The following ARRDC4 variants were observed in gnomAD, a reference collection of about 807,000 sequenced individuals.
The protein encoded by ARRDC4 is arrestin domain-containing protein 4.
Under a neutral mutation model 44.6 loss-of-function variants are expected in ARRDC4, and 40 were observed. The observed-to-expected ratio is 0.90, with a 90% confidence interval of 0.70 to 1.17. The LOEUF is 1.17. Among genes scored for constraint, ARRDC4 ranks in the 50% most tolerant of loss-of-function variants. ARRDC4 has a pLI of 0.00. For synonymous variants in ARRDC4, 211 were observed against 221.2 expected, an observed-to-expected ratio of 0.95 and a Z score of 0.41; for missense variants, 550 against 559.1, an observed-to-expected ratio of 0.98 and a Z score of 0.16.
rs146146673 is a variant in ARRDC4, at chr15:97,965,937, G to C, written c.417G>C (p.Gln139His). 7,413 of 1,614,164 alleles carry C rather than the reference G, an allele frequency of 4.6e-3. 28 individuals are homozygous for C. The highest frequency in any genetic ancestry group is 5.8e-3 in the Non-Finnish European group (6,810 of 1,180,016). ...TSFTGKYGSI[Q>H]YCVRAVLERP... ...TTACTGGGAAATATGGAAGCATTCA[G>C]TACTGTGTGCGGGCAGTGTTGGAAC... is the stretch of plus-strand genomic sequence containing the variant. The change falls in exon 3 of 8, where the codon CAG becomes CAC. Residue 139 changes from glutamine to histidine, a missense_variant. Gln to His is a conservative substitution (Grantham distance 24). Coordinates refer to ENST00000268042, the MANE Select transcript of ARRDC4 (RefSeq NM_183376.3). The surrounding 1 kb of genome is among the most constrained non-coding windows in gnomAD (Gnocchi z 5.1).
chr15:97,960,863 TG>T lies in ARRDC4; in HGVS notation c.5del (p.Gly2?). The T allele has an allele frequency of 1.5e-6, 2 of 1,357,392 alleles. No homozygotes were observed. 84.1% of individuals were successfully genotyped at this position (1,357,392 alleles called of 1,614,324 possible). On this transcript the variant is annotated frameshift_variant and start_lost, in exon 1 of 8. Coordinates refer to ENST00000268042, the MANE Select transcript of ARRDC4 (RefSeq NM_183376.3). LOFTEE classifies it high-confidence loss of function. MGGEAGCAAAV... is the reference protein window; with the variant it reads XGGEAGCAAAV... ...GGCAGGAAAGAGTCGCCCGGCGGGA[TG>T]GGCGGGGAGGCTGGGTGCGCGGCGG...
In ARRDC4 at chr15:97,966,111, T is replaced by G; in HGVS notation, c.522+69T>G. On this transcript the variant is annotated intron_variant, in intron 3 of 7. Coordinates refer to ENST00000268042, the MANE Select transcript of ARRDC4 (RefSeq NM_183376.3). The surrounding 1 kb of genome is among the most constrained non-coding windows in gnomAD (Gnocchi z 4.7). Reference sequence around the variant, plus strand: ...CTCCCTTCCTCCTTCCTTTCAACAGTGGGATCTATATTTAGCCAGTTTACT... The same window carrying G: ...CTCCCTTCCTCCTTCCTTTCAACAGGGGGATCTATATTTAGCCAGTTTACT... 6.5e-7 allele frequency: 1 copy of G among 1,540,966 alleles called. No homozygotes were observed. Among genetic ancestry groups the G allele is most frequent in the Non-Finnish European group, 8.8e-7 (1 of 1,131,346 alleles).
At position 97,970,114 on chromosome 15, in the gene ARRDC4, A is replaced by G. The variant is rs1013848094; in HGVS notation, c.1045+69A>G. The G allele has an allele frequency of 2.0e-6, 3 of 1,469,602 alleles. No homozygotes were observed. Among genetic ancestry groups the G allele is most frequent in the East Asian group, 2.4e-5 (1 of 42,032 alleles). The allele number at this position is 1,469,602 out of a possible 1,614,324, so 91.0% of individuals were successfully genotyped here. Reference sequence around the variant, plus strand: ...AAATACCTAGGAACAGAATATATACACTATTAAGTGCTCAGATGTTGATGA... The same window carrying G: ...AAATACCTAGGAACAGAATATATACGCTATTAAGTGCTCAGATGTTGATGA... On this transcript the variant is annotated intron_variant, in intron 6 of 7. Coordinates refer to ENST00000268042, the MANE Select transcript of ARRDC4 (RefSeq NM_183376.3). The surrounding 1 kb of genome is among the most constrained non-coding windows in gnomAD (Gnocchi z 4.2).
chr15:97,971,486 C>A lies in ARRDC4; in HGVS notation c.*299C>A. On this transcript the variant is annotated 3_prime_UTR_variant, in exon 8 of 8. Coordinates refer to ENST00000268042, the MANE Select transcript of ARRDC4 (RefSeq NM_183376.3). Reference sequence around the variant, plus strand: ...GTAAGTGAAAGGGTGCCTGCGCTGACGTGAGAGAAAGGAATCTGTAAACAG... The same window carrying A: ...GTAAGTGAAAGGGTGCCTGCGCTGAAGTGAGAGAAAGGAATCTGTAAACAG... 1 of 357,316 alleles carries A rather than the reference C, an allele frequency of 2.8e-6. No homozygotes were observed. The highest frequency in any genetic ancestry group is 5.3e-6 in the Non-Finnish European group (1 of 189,930). 22.1% of individuals were successfully genotyped at this position (357,316 alleles called of 1,614,324 possible).
rs931974522 is a variant in ARRDC4, at chr15:97,968,331, A to G, written c.625+215A>G. Among the ~76,000 whole-genome samples the G allele has an allele frequency of 6.6e-6, 1 of 152,144 alleles. No individual in the cohort carries two copies. Among genetic ancestry groups the G allele is most frequent in the African/African-American group, 2.4e-5 (1 of 41,434 alleles). On this transcript the variant is annotated intron_variant, in intron 4 of 7. Coordinates refer to ENST00000268042, the MANE Select transcript of ARRDC4 (RefSeq NM_183376.3). This position sits in a 1 kb window ranked among gnomAD's most constrained non-coding sequence, Gnocchi z 5.4. ...AACTCCTGTTTTTTTTCTGACTTCA[A>G]TCCTGTTACTTTAGTAACAAAGAGT... is the stretch of plus-strand genomic sequence containing the variant.
chr15:97,970,681 T>C lies in ARRDC4; in HGVS notation c.1138T>C (p.Cys380Arg). The change falls in exon 7 of 8, where the codon TGC becomes CGC. Residue 380 changes from cysteine to arginine, a missense_variant. Transcript: ENST00000268042. The surrounding 1 kb of genome is among the most constrained non-coding windows in gnomAD (Gnocchi z 4.2). ...PQPPNCEGEV[C>R]CPVFACIQEF... ...ACCCCCTAACTGTGAGGGAGAAGTGTGCTGTCCTGTGTTTGCCTGTATACA... is the reference window on the plus strand; with the variant it reads ...ACCCCCTAACTGTGAGGGAGAAGTGCGCTGTCCTGTGTTTGCCTGTATACA... 2 of 1,613,658 alleles carry C rather than the reference T, an allele frequency of 1.2e-6. No homozygotes were observed. Among genetic ancestry groups the C allele is most frequent in the Non-Finnish European group, 1.7e-6 (2 of 1,179,682 alleles).
rs905351749 is a variant in ARRDC4 at position 97,968,823 on chromosome 15, C to A, written c.626-300C>A. Among the ~76,000 whole-genome samples, 1 of 152,152 alleles carries A rather than the reference C, an allele frequency of 6.6e-6. No individual in the cohort carries two copies. Among genetic ancestry groups the A allele is most frequent in the African/African-American group, 2.4e-5 (1 of 41,444 alleles). ...TTTTATACTTAACATAGTCCTGAATCATTTATTTGTATGTCTTATCCTAAT... is the reference window on the plus strand; with the variant it reads ...TTTTATACTTAACATAGTCCTGAATAATTTATTTGTATGTCTTATCCTAAT... On this transcript the variant is annotated intron_variant, in intron 4 of 7. Transcript: ENST00000268042. The surrounding 1 kb of genome is among the most constrained non-coding windows in gnomAD (Gnocchi z 5.4).
At position 97,961,118 on chromosome 15, in the gene ARRDC4, C is replaced by A. The variant is rs751955451; in HGVS notation, c.257C>A (p.Ser86Ter). The A allele has an allele frequency of 6.9e-7, 1 of 1,459,546 alleles. No individual in the cohort carries two copies. The highest frequency in any genetic ancestry group is 9.0e-7 in the Non-Finnish European group (1 of 1,114,160). The allele number at this position is 1,459,546 out of a possible 1,614,324, so 90.4% of individuals were successfully genotyped here. Residue 86 changes from serine to a stop codon, truncating the protein, a stop_gained, in exon 1 of 8, where the codon TCG (serine) becomes TAG (stop). Transcript: ENST00000268042. LOFTEE classifies it high-confidence loss of function. ...AGCACCGCGGCCCTGGCTGTCTTCTCGGAGGTGGAGTACCTGAACGTGCGC... is the reference window on the plus strand; with the variant it reads ...AGCACCGCGGCCCTGGCTGTCTTCTAGGAGGTGGAGTACCTGAACGTGCGC... Reference protein sequence around the residue: ...SASTAALAVFSEVEYLNVRLS... With the variant: ...SASTAALAVF
intron 1 of ARRDC4, among the ~76,000 whole-genome samples, chr15:97,962,522 AAAATT>A (rs1301877124): frequency 6.6e-6 from 1 of 152,222 alleles, no homozygotes; most frequent in Non-Finnish European, 1.5e-5. Flanking sequence ...CAATAGATGT[AAAATT>A]AAAAGCAGTT....
chr15:97,969,398 T>A lies in ARRDC4; in HGVS notation c.882+19T>A, dbSNP rs200742069. ...CTTAGCTGTAAGCAAAGCTCTTTTT[T>A]AAAAAAAAATGTGTATGATGGACAA... On this transcript the variant is annotated intron_variant, in intron 5 of 7. Transcript: ENST00000268042. The A allele has an allele frequency of 1.8e-4, 183 of 1,006,322 alleles. 2 individuals are homozygous for A. The highest frequency in any genetic ancestry group is 1.0e-3 in the Middle Eastern group (4 of 3,840). The allele number at this position is 1,006,322 out of a possible 1,614,324, so 62.3% of individuals were successfully genotyped here.
At position 97,970,765 on chromosome 15, in the gene ARRDC4, TAG is replaced by T. The variant is rs1284624123; in HGVS notation, c.1200+24_1200+25del. 1.2e-6 allele frequency: 2 copies of T among 1,600,090 alleles called. No individual in the cohort carries two copies. The highest frequency in any genetic ancestry group is 1.7e-6 in the Non-Finnish European group (2 of 1,172,004). On this transcript the variant is annotated intron_variant, in intron 7 of 7. Coordinates refer to ENST00000268042, the MANE Select transcript of ARRDC4 (RefSeq NM_183376.3). The surrounding 1 kb of genome is among the most constrained non-coding windows in gnomAD (Gnocchi z 4.2). ...AGAGGTAAGCAAAGCAAAAGAAAATTAGACTTTTACTGTATTATTTTCAAATA... is the reference window on the plus strand; with the variant it reads ...AGAGGTAAGCAAAGCAAAAGAAAATTACTTTTACTGTATTATTTTCAAATA...
chr15:97,967,982 T>C lies in ARRDC4; in HGVS notation c.523-32T>C. 2 of 1,449,558 alleles carry C rather than the reference T, an allele frequency of 1.4e-6. No individual in the cohort carries two copies. Among genetic ancestry groups the C allele is most frequent in the Non-Finnish European group, 1.9e-6 (2 of 1,049,254 alleles). 89.8% of individuals were successfully genotyped at this position (1,449,558 alleles called of 1,614,324 possible). A position where few individuals can be genotyped will look rare whatever the true frequency, so the allele number is the denominator to read the frequency against. On this transcript the variant is annotated intron_variant, in intron 3 of 7. Transcript: ENST00000268042. The surrounding 1 kb of genome is among the most constrained non-coding windows in gnomAD (Gnocchi z 5.0). ...CTATGAGTTCTCTAGAGTGGCTTAA[T>C]TAAGGTTGTTTTATTGTTTGAAATT...
rs1899434617 is a variant in ARRDC4 at position 97,967,339 on chromosome 15, G to A, written c.523-675G>A. On this transcript the variant is annotated intron_variant, in intron 3 of 7. Transcript: ENST00000268042. This position sits in a 1 kb window ranked among gnomAD's most constrained non-coding sequence, Gnocchi z 5.0. Reference sequence around the variant, plus strand: ...TAACTGGGTTTTACAGAAAGCTTTGGTGTGTGTAACTCGTAAACTGAACAT... The same window carrying A: ...TAACTGGGTTTTACAGAAAGCTTTGATGTGTGTAACTCGTAAACTGAACAT... Among the ~76,000 whole-genome samples the A allele has an allele frequency of 6.6e-6, 1 of 152,096 alleles. No individual in the cohort carries two copies. Among genetic ancestry groups the A allele is most frequent in the Non-Finnish European group, 1.5e-5 (1 of 68,020 alleles).
At position 97,971,485 on chromosome 15, in the gene ARRDC4, A is replaced by C. The variant is rs1899514598; in HGVS notation, c.*298A>C. ...AGTAAGTGAAAGGGTGCCTGCGCTG[A>C]CGTGAGAGAAAGGAATCTGTAAACA... On this transcript the variant is annotated 3_prime_UTR_variant, in exon 8 of 8. Coordinates refer to ENST00000268042, the MANE Select transcript of ARRDC4 (RefSeq NM_183376.3). 2.8e-6 allele frequency: 1 copy of C among 363,540 alleles called. No individual in the cohort carries two copies. The highest frequency in any genetic ancestry group is 5.2e-6 in the Non-Finnish European group (1 of 193,514). 22.5% of individuals were successfully genotyped at this position (363,540 alleles called of 1,614,324 possible).
intron 1 of ARRDC4, among the ~76,000 whole-genome samples, chr15:97,964,285 A>AT (rs376275093): frequency 7.7e-4 from 114 of 148,016 alleles, no homozygotes; most frequent in African/African-American, 1.6e-3. Flanking sequence ...ATTTCTTTAA[A>AT]TTTTTTTTTT....
rs1382996410 is a variant in ARRDC4 at position 97,971,155 on chromosome 15, GA to G, written c.1227del (p.Glu410ArgfsTer44). 1 of 1,613,284 alleles carries G rather than the reference GA, an allele frequency of 6.2e-7. No individual in the cohort carries two copies. Among genetic ancestry groups the G allele is most frequent in the Non-Finnish European group, 8.5e-7 (1 of 1,179,432 alleles). ...GGTTGACCCACATCCTAGCGACGTA[GA>G]AGAGAGCCAGCCTGTTTCCTTCATT... ...SEVDPHPSDV[E>X]ESQPVSFIL On this transcript the variant is annotated frameshift_variant, in exon 8 of 8. Transcript: ENST00000268042. LOFTEE classifies it high-confidence loss of function.
At chr15:97,962,136 G>A (rs1412657982) in intron 1 of ARRDC4, among the ~76,000 whole-genome samples, 1 of 152,190 alleles carries the variant, frequency 6.6e-6, no homozygotes, top group East Asian at 1.9e-4. Context: ...TCTCCTTGAA[G>A]AGTAAACGCA....
rs1899484717 is a variant in ARRDC4 at position 97,970,123 on chromosome 15, T to C, written c.1045+78T>C. 7.0e-7 allele frequency: 1 copy of C among 1,418,494 alleles called. No individual in the cohort carries two copies. The highest frequency in any genetic ancestry group is 1.4e-5 in the African/African-American group (1 of 70,382). 87.9% of individuals were successfully genotyped at this position (1,418,494 alleles called of 1,614,324 possible). The stretch of plus-strand genomic sequence containing the variant: ...GGAACAGAATATATACACTATTAAG[T>C]GCTCAGATGTTGATGAGTACTGCTA... On this transcript the variant is annotated intron_variant, in intron 6 of 7. Transcript: ENST00000268042. The surrounding 1 kb of genome is among the most constrained non-coding windows in gnomAD (Gnocchi z 4.2).
rs1899542311 is a variant in ARRDC4 at position 97,973,076 on chromosome 15, A to AAC, written c.*1891_*1892dup. On this transcript the variant is annotated 3_prime_UTR_variant, in exon 8 of 8. Coordinates refer to ENST00000268042, the MANE Select transcript of ARRDC4 (RefSeq NM_183376.3). ...GTAATGTGTATTTAAGTGTTGTCTAAACAGTTGATTTTTACTTTAGAAAAG... is the reference window on the plus strand; with the variant it reads ...GTAATGTGTATTTAAGTGTTGTCTAAACACAGTTGATTTTTACTTTAGAAAAG... 6.6e-6 allele frequency: 1 copy of AAC among 152,202 alleles called. No homozygotes were observed. Among genetic ancestry groups the AAC allele is most frequent in the Non-Finnish European group, 1.5e-5 (1 of 68,030 alleles). 9.4% of individuals were successfully genotyped at this position (152,202 alleles called of 1,614,324 possible). A position where few individuals can be genotyped will look rare whatever the true frequency, so the allele number is the denominator to read the frequency against.
Sources: gnomAD v4.1 joint callset for allele counts (sites outside exome capture counted in the v4.1 genomes callset) on GRCh38, gnomAD v4.1.1 for gene constraint, Gnocchi (gnomAD v3.1) non-coding constraint, MANE v1.5 for transcripts, NCBI Gene and HGNC (gene_info 2026-07-23, HGNC 2026-07-21) for gene names.